LMCD1: variants seen among roughly 807,000 people sequenced by gnomAD.
The protein encoded by LMCD1 is LIM and cysteine-rich domains protein 1.
In LMCD1, 32 loss-of-function variants were observed where a neutral mutation model predicts 42.7. The ratio of observed to expected loss-of-function variants is 0.75; its 90% CI spans 0.57 to 1.01. The LOEUF is 1.01. LMCD1 is among the 50% of genes least tolerant of loss of function. The pLI is 0.00. For synonymous variants in LMCD1, 178 were observed against 184.9 expected (o/e 0.96, Z 0.30); for missense variants, 458 against 483.1 (o/e 0.95, Z 0.49).
At chr3:8,503,225 A>G (rs887795330) in intron 1 of LMCD1, among the ~76,000 whole-genome samples, 2 of 152,176 alleles carry the variant, frequency 1.3e-5, no homozygotes, top group Admixed American at 1.3e-4. Context: ...AAAACAAAAG[A>G]CGTGAGAATC....
chr3:8,519,873 T>C (rs932918675), intron 1 of LMCD1, among the ~76,000 whole-genome samples: 4 of 152,118 alleles, frequency 2.6e-5, no homozygotes, highest in African/African-American at 9.7e-5. Context: ...GACTCCAATG[T>C]TGGTTGAAGG....
intron 4 of LMCD1, among the ~76,000 whole-genome samples, chr3:8,552,825 G>T (rs757158367): frequency 6.6e-6 from 1 of 152,154 alleles, no homozygotes; most frequent in African/African-American, 2.4e-5. Context: ...CGAGGTTCAC[G>T]CCATTCTCCT....
chr3:8,560,457 T>C (rs1410983367), intron 4 of LMCD1, among the ~76,000 whole-genome samples: 2 of 152,110 alleles, frequency 1.3e-5, no homozygotes, highest in Non-Finnish European at 2.9e-5. Context: ...CCTCTCCCTT[T>C]CCCTACTTTC....
chr3:8,518,856 G>T (rs551641872), intron 1 of LMCD1, among the ~76,000 whole-genome samples: 1 of 152,234 alleles, frequency 6.6e-6, no homozygotes, highest in South Asian at 2.1e-4. Flanking sequence ...AGGAGGCTAG[G>T]ATCCTGGAAA....
intron 3 of LMCD1, among the ~76,000 whole-genome samples, chr3:8,543,401 A>T (rs985906654): frequency 1.0e-5 from 1 of 98,098 alleles, no homozygotes; most frequent in East Asian, 2.9e-4. Context: ...GATAGATGAT[A>T]GATAGATAGA....
intron 1 of LMCD1, among the ~76,000 whole-genome samples, chr3:8,520,867 G>A (rs1205932154): frequency 6.6e-6 from 1 of 152,192 alleles, no homozygotes; most frequent in Non-Finnish European, 1.5e-5. Flanking sequence ...GAGATCAGAG[G>A]ACCATCCTCT....
chr3:8,552,673 A>G (rs1019363422), intron 4 of LMCD1, among the ~76,000 whole-genome samples: 3 of 152,146 alleles, frequency 2.0e-5, no homozygotes, highest in African/African-American at 7.2e-5. Context: ...CTATAGTGAG[A>G]GTCTAGATGG....
Position 8,501,895 on chromosome 3 carries a change from C to A in LMCD1, c.-44C>A. The stretch of plus-strand genomic sequence containing the variant: ...CTGTCCCCGCTGCGCGCCCTCGCGC[C>A]TCTGCCTGAGAAGCCAGGCGCTGTT... On this transcript the variant is annotated 5_prime_UTR_variant, in exon 1 of 6. Transcript: ENST00000157600. 3.2e-6 allele frequency: 5 copies of A among 1,571,188 alleles called. No homozygotes were observed. Among genetic ancestry groups the A allele is most frequent in the African/African-American group, 1.4e-5 (1 of 71,672 alleles).
intron 1 of LMCD1, among the ~76,000 whole-genome samples, chr3:8,514,661 A>G (rs745772349): frequency 6.6e-6 from 1 of 152,226 alleles, no homozygotes; most frequent in Non-Finnish European, 1.5e-5. Context: ...ATATTTATAC[A>G]ACAGAATATT....
chr3:8,547,509 A>G (rs1001465182), intron 3 of LMCD1, among the ~76,000 whole-genome samples: 21 of 152,226 alleles, frequency 1.4e-4, no homozygotes, highest in Admixed American at 7.2e-4. Flanking sequence ...CCTTTTTAAA[A>G]CAAAGGACAG....
In LMCD1 at chr3:8,571,303, C is replaced by T. The variant is rs1191412219; in HGVS notation, c.*3705C>T. 6.6e-6 allele frequency: 1 copy of T among 152,146 alleles called. No homozygotes were observed. Among genetic ancestry groups the T allele is most frequent in the Admixed American group, 6.5e-5 (1 of 15,272 alleles). 9.4% of individuals were successfully genotyped at this position (152,146 alleles called of 1,614,324 possible). A position where few individuals can be genotyped will look rare whatever the true frequency, so the allele number is the denominator to read the frequency against. ...TATTTCCCCAACTCTTAGTACAAAT[C>T]CTGGCAACTAAATGAAAGAACAAAC... On this transcript the variant is annotated 3_prime_UTR_variant, in exon 6 of 6. Transcript: ENST00000157600.
In LMCD1 at chr3:8,570,884, C is replaced by T. The variant is rs1302208493; in HGVS notation, c.*3286C>T. On this transcript the variant is annotated 3_prime_UTR_variant, in exon 6 of 6. Coordinates refer to ENST00000157600, the MANE Select transcript of LMCD1 (RefSeq NM_014583.4). ...AGAAGCCAAATGGGCAGTTTACAGT[C>T]ACAGTGTGTGCCCCTGCTTTCCTCA... is the stretch of plus-strand genomic sequence containing the variant. 1.3e-5 allele frequency: 2 copies of T among 152,210 alleles called. No individual in the cohort carries two copies. The highest frequency in any genetic ancestry group is 4.8e-5 in the African/African-American group (2 of 41,422). The allele number at this position is 152,210 out of a possible 1,614,324, so 9.4% of individuals were successfully genotyped here.
chr3:8,556,680 G>A (rs776589251), intron 4 of LMCD1, among the ~76,000 whole-genome samples: 17 of 152,160 alleles, frequency 1.1e-4, no homozygotes, highest in Admixed American at 3.9e-4. Flanking sequence ...CTGAGACTCC[G>A]TCCCTGCTCA....
intron 1 of LMCD1, among the ~76,000 whole-genome samples, chr3:8,509,508 G>A (rs967604627): frequency 7.2e-5 from 11 of 152,158 alleles, no homozygotes; most frequent in Admixed American, 3.3e-4. Flanking sequence ...TTTAGCATCT[G>A]TTATGTGCCA....
intron 3 of LMCD1, among the ~76,000 whole-genome samples, chr3:8,542,835 C>G (rs554790372): frequency 4.2e-4 from 64 of 152,282 alleles, no homozygotes; most frequent in African/African-American, 1.4e-3. Context: ...GTACCTTCCT[C>G]CTAGGGTTGT....
chr3:8,506,774 T>A (rs578240971), intron 1 of LMCD1, among the ~76,000 whole-genome samples: 11 of 152,342 alleles, frequency 7.2e-5, no homozygotes, highest in Non-Finnish European at 1.3e-4. Context: ...TTATAATAAC[T>A]GCAGGCGTTT....
chr3:8,550,256 T>C, intron 4 of LMCD1: 2 of 1,060,934 alleles, frequency 1.9e-6, no homozygotes, highest in Non-Finnish European at 2.3e-6. Flanking sequence ...CAGCCCCTGT[T>C]TTACCTTTTG....
intron 1 of LMCD1, among the ~76,000 whole-genome samples, chr3:8,521,707 G>A (rs779984531): frequency 3.9e-5 from 6 of 152,196 alleles, no homozygotes; most frequent in Non-Finnish European, 8.8e-5. Context: ...AGAAAAAGGG[G>A]CAGATAGTCT....
chr3:8,508,647 A>G (rs1279140229), intron 1 of LMCD1, among the ~76,000 whole-genome samples: 1 of 152,208 alleles, frequency 6.6e-6, no homozygotes, highest in Non-Finnish European at 1.5e-5. Context: ...CATATCTGAA[A>G]TTTACAAAGA....
Sources: allele counts gnomAD v4.1 joint callset (sites outside exome capture counted in the v4.1 genomes callset), GRCh38; gene constraint gnomAD v4.1.1; transcripts MANE v1.5; gene names NCBI Gene and HGNC (gene_info 2026-07-23, HGNC 2026-07-21).